GABRG3: variants seen among roughly 807,000 people sequenced by gnomAD.
GABRG3 encodes the protein gamma-aminobutyric acid type A receptor subunit gamma3.
A neutral mutation model predicts 48.8 loss-of-function variants in GABRG3; 25 were observed. That is an observed-to-expected ratio of 0.51 (90% CI 0.37 to 0.72). The LOEUF (loss-of-function observed/expected upper bound fraction) is 0.72. GABRG3 is among the 30% of genes least tolerant of loss of function. GABRG3 has a pLI of 0.00. For synonymous variants in GABRG3, 227 were observed against 217.6 expected (o/e 1.04, Z -0.38); for missense variants, 394 against 577.9 (o/e 0.68, Z 3.26).
intron 3 of GABRG3, among the ~76,000 whole-genome samples, chr15:27,131,770 C>T (rs571730307): frequency 6.6e-5 from 10 of 152,058 alleles, no homozygotes; most frequent in African/African-American, 1.9e-4. Flanking sequence ...ACCTCATCAG[C>T]GGTTCTCCTT....
intron 5 of GABRG3, among the ~76,000 whole-genome samples, chr15:27,353,948 G>T (rs1894742795): frequency 6.6e-6 from 1 of 152,092 alleles, no homozygotes; most frequent in Non-Finnish European, 1.5e-5. Flanking sequence ...AGTTTTCTTT[G>T]CTCTCTCCTG....
intron 3 of GABRG3, among the ~76,000 whole-genome samples, chr15:27,076,550 T>G (rs1025776030): frequency 6.6e-5 from 10 of 152,110 alleles, no homozygotes; most frequent in Admixed American, 4.6e-4. Context: ...GTTCTCGATC[T>G]CCTGACCTCA....
Position 27,457,846 on chromosome 15 carries a change from A to G in GABRG3, c.575-22804A>G, listed in dbSNP as rs1014630818. Among the ~76,000 whole-genome samples, 1 of 152,198 alleles carries G rather than the reference A, an allele frequency of 6.6e-6. No homozygotes were observed. The highest frequency in any genetic ancestry group is 2.4e-5 in the African/African-American group (1 of 41,444). On this transcript the variant is annotated intron_variant, in intron 5 of 9. Coordinates refer to ENST00000615808, the MANE Select transcript of GABRG3 (RefSeq NM_033223.5). This position sits in a 1 kb window ranked among gnomAD's most constrained non-coding sequence, Gnocchi z 4.4. Reference sequence around the variant, plus strand: ...CCTGTGCAGTGACTCCCACTCAGGGAAACCATCAGCTTTCAATTGGAGTGT... The same window carrying G: ...CCTGTGCAGTGACTCCCACTCAGGGGAACCATCAGCTTTCAATTGGAGTGT...
chr15:27,468,795 T>C (rs549034858), intron 5 of GABRG3, among the ~76,000 whole-genome samples: 1 of 152,262 alleles, frequency 6.6e-6, no homozygotes, highest in African/African-American at 2.4e-5. Context: ...AGAGAAAAGA[T>C]GAAAGTTATC....
At chr15:27,322,818 G>T (rs577166047) in intron 3 of GABRG3, among the ~76,000 whole-genome samples, 1 of 152,238 alleles carries the variant, frequency 6.6e-6, no homozygotes, top group Admixed American at 6.5e-5. Context: ...GATTTGAGCT[G>T]CAGAGTTTAG....
chr15:27,440,534 T>C (rs568155520), intron 5 of GABRG3, among the ~76,000 whole-genome samples: 4 of 152,336 alleles, frequency 2.6e-5, no homozygotes, highest in African/African-American at 7.2e-5. Flanking sequence ...GTGGCACTTC[T>C]CTTGGCTAAA....
chr15:27,102,840 C>G (rs1461994400), intron 3 of GABRG3, among the ~76,000 whole-genome samples: 1 of 152,074 alleles, frequency 6.6e-6, no homozygotes, highest in African/African-American at 2.4e-5. Context: ...TGTGTTGATA[C>G]TTTTTCTTCC....
intron 3 of GABRG3, among the ~76,000 whole-genome samples, chr15:27,261,499 C>A (rs1475755110): frequency 6.6e-6 from 1 of 150,564 alleles, no homozygotes; most frequent in Admixed American, 6.6e-5. Context: ...CCATCACACA[C>A]CCTTACGTAC....
chr15:27,152,124 G>C (rs1898327817), intron 3 of GABRG3, among the ~76,000 whole-genome samples: 1 of 151,986 alleles, frequency 6.6e-6, no homozygotes. Flanking sequence ...AGGTTTTATA[G>C]TTTCATTAAT....
intron 5 of GABRG3, among the ~76,000 whole-genome samples, chr15:27,382,999 TAG>T (rs1231707519): frequency 6.6e-6 from 1 of 152,158 alleles, no homozygotes; most frequent in African/African-American, 2.4e-5. Context: ...AAGCAAGGAA[TAG>T]ACTTTTACAG....
chr15:27,002,198 C>G (rs954485887), intron 2 of GABRG3, among the ~76,000 whole-genome samples: 1 of 152,108 alleles, frequency 6.6e-6, no homozygotes, highest in Non-Finnish European at 1.5e-5. Context: ...AACTGTAATA[C>G]AATTTGCTGA....
At chr15:27,461,622 T>C (rs1342326963) in intron 5 of GABRG3, among the ~76,000 whole-genome samples, 3 of 152,216 alleles carry the variant, frequency 2.0e-5, no homozygotes, top group African/African-American at 7.2e-5. Flanking sequence ...ACTCATATCC[T>C]GCCGGTTGGT....
chr15:27,453,995 T>A (rs994918992), intron 5 of GABRG3, among the ~76,000 whole-genome samples: 1 of 152,160 alleles, frequency 6.6e-6, no homozygotes, highest in Non-Finnish European at 1.5e-5. Flanking sequence ...CCCTCCGTGG[T>A]CCTGTCTTAA....
At chr15:27,518,195 C>CAAAAAAAAAAAAAAAAAAAAAAAAA (rs58222645) in intron 6 of GABRG3, among the ~76,000 whole-genome samples, 6 of 88,024 alleles carry the variant, frequency 6.8e-5, no homozygotes, top group African/African-American at 2.1e-4. Flanking sequence ...ACTAAAAATA[C>CAAAAAAAAAAAAAAAAAAAAAAAAA]AAAAAAAAAA....
At chr15:27,053,202 C>G (rs1024727505) in intron 3 of GABRG3, among the ~76,000 whole-genome samples, 1 of 152,172 alleles carries the variant, frequency 6.6e-6, no homozygotes, top group South Asian at 2.1e-4. Context: ...GCAACAGAAA[C>G]TATCAACAAC....
At chr15:27,439,455 T>G (rs1261116901) in intron 5 of GABRG3, among the ~76,000 whole-genome samples, 1 of 152,228 alleles carries the variant, frequency 6.6e-6, no homozygotes, top group Non-Finnish European at 1.5e-5. Flanking sequence ...TACTGCAGAT[T>G]GATGTTGATC....
intron 5 of GABRG3, 69 bp downstream of exon 5, chr15:27,328,957 C>T (rs1893714692): frequency 8.0e-7 from 1 of 1,247,132 alleles, no homozygotes; most frequent in South Asian, 1.2e-5. Context: ...CTGCTTCTGT[C>T]AAACAGTCAT....
intron 3 of GABRG3, among the ~76,000 whole-genome samples, chr15:27,204,631 G>A (rs894282429): frequency 6.6e-6 from 1 of 152,150 alleles, no homozygotes; most frequent in Non-Finnish European, 1.5e-5. Flanking sequence ...GCTTTGGGCA[G>A]TATAGCCATT....
chr15:27,491,221 C>A (rs558746442), intron 6 of GABRG3, among the ~76,000 whole-genome samples: 1 of 152,234 alleles, frequency 6.6e-6, no homozygotes, highest in East Asian at 1.9e-4. Context: ...CCCCACACTG[C>A]GGCCCCTGCC....
Sources: gnomAD v4.1 joint callset for allele counts (sites outside exome capture counted in the v4.1 genomes callset) on GRCh38, gnomAD v4.1.1 for gene constraint, Gnocchi (gnomAD v3.1) non-coding constraint, MANE v1.5 for transcripts, NCBI Gene and HGNC (gene_info 2026-07-23, HGNC 2026-07-21) for gene names.